Variants in MICALL1 observed in about 807,000 individuals in gnomAD.
MICALL1 encodes MICAL like 1, also known as MICAL-like protein 1.
Under a neutral mutation model 83.7 loss-of-function variants are expected in MICALL1, and 61 were observed. The observed-to-expected ratio is 0.73, with a 90% CI of 0.59 to 0.90. The LOEUF (loss-of-function observed/expected upper bound fraction) is 0.90, where lower values mean the gene tolerates loss of function less well. Ranked by LOEUF, MICALL1 falls within the 40% of genes least tolerant of loss-of-function variation. MICALL1 has a pLI of 0.00. For synonymous variants in MICALL1, 481 were observed against 473.6 expected (o/e 1.02, Z -0.20); for missense variants, 1,066 against 1,152.0 (o/e 0.93, Z 1.08).
chr22:37,916,100 G>A (rs1222199175), intron 3 of MICALL1, among the ~76,000 whole-genome samples: 1 of 152,158 alleles, frequency 6.6e-6, no homozygotes, highest in African/African-American at 2.4e-5. Flanking sequence ...GGGTGGGTGG[G>A]GTGTGGGCAG....
intron 2 of MICALL1, 123 bp from the exon 3 acceptor site, chr22:37,912,228 G>A (rs1231856602): frequency 7.0e-6 from 9 of 1,287,940 alleles, no homozygotes; most frequent in Middle Eastern, 2.7e-4. Context: ...TTAATACTGA[G>A]GGGAGCCCAC....
At chr22:37,929,817 T>C (rs1348828280) in intron 9 of MICALL1, among the ~76,000 whole-genome samples, 2 of 152,204 alleles carry the variant, frequency 1.3e-5, no homozygotes, top group Non-Finnish European at 2.9e-5. Context: ...TGGCCCCAGG[T>C]AGAGGGTGGC....
chr22:37,935,980 C>T (rs770602026), intron 13 of MICALL1, among the ~76,000 whole-genome samples: 35 of 152,156 alleles, frequency 2.3e-4, no homozygotes, highest in Non-Finnish European at 3.5e-4. Flanking sequence ...CCACCTGCCT[C>T]GGCCTCCCAA....
At position 37,926,063 on chromosome 22, in the gene MICALL1, C is replaced by T. The variant is rs946573687; in HGVS notation, c.1465+20C>T. 7.0e-6 allele frequency: 11 copies of T among 1,567,556 alleles called. No individual in the cohort carries two copies. The highest frequency in any genetic ancestry group is 2.2e-4 in the Middle Eastern group (1 of 4,634). ...CACTGGGTGAGTGCCTTTCCTGGAG[C>T]TCTCCTGACAGTCGGAACTCGGGGG... On this transcript the variant is annotated intron_variant, in intron 8 of 15. Coordinates refer to ENST00000215957, the MANE Select transcript of MICALL1 (RefSeq NM_033386.4).
chr22:37,922,357 C>G lies in MICALL1; in HGVS notation c.955C>G (p.Pro319Ala). ...GAGCACCACCCCAGCACCCCCCACG[C>G]CCCGGCCCCGCTCCAGTCTGCAGCA... ...SESTTPAPPTPRPRSSLQQEN... is the reference protein window; with the variant it reads ...SESTTPAPPTARPRSSLQQEN... The change falls in exon 6 of 16, where the codon CCC (proline) becomes GCC (alanine). Residue 319 changes from proline to alanine, a missense_variant. Physicochemically the swap from Pro to Ala is conservative, Grantham distance 27 (BLOSUM62 -1). Transcript: ENST00000215957. The G allele has an allele frequency of 6.5e-7, 1 of 1,532,036 alleles. No individual in the cohort carries two copies. Among genetic ancestry groups the G allele is most frequent in the Non-Finnish European group, 8.8e-7 (1 of 1,141,704 alleles). The allele number at this position is 1,532,036 out of a possible 1,614,324, so 94.9% of individuals were successfully genotyped here.
chr22:37,928,848 G>A (rs1349241969), intron 9 of MICALL1, among the ~76,000 whole-genome samples: 1 of 152,188 alleles, frequency 6.6e-6, no homozygotes, highest in African/African-American at 2.4e-5. Context: ...TCCTGGCTGG[G>A]CGTGGTGGCT....
In MICALL1 at chr22:37,932,088, T is replaced by C. The variant is rs1328510910; in HGVS notation, c.2016+155T>C. On this transcript the variant is annotated intron_variant, in intron 10 of 15. Transcript: ENST00000215957. This position sits in a 1 kb window ranked among gnomAD's most constrained non-coding sequence, Gnocchi z 4.4. Reference sequence around the variant, plus strand: ...CACTCTTGGCGGCCCAACTGGAAGGTCTAGCTTGCAGCCTGGAGGGATTTG... The same window carrying C: ...CACTCTTGGCGGCCCAACTGGAAGGCCTAGCTTGCAGCCTGGAGGGATTTG... Among the ~76,000 whole-genome samples the C allele has an allele frequency of 6.6e-6, 1 of 152,206 alleles. No homozygotes were observed. The highest frequency in any genetic ancestry group is 2.4e-5 in the African/African-American group (1 of 41,448).
At position 37,931,919 on chromosome 22, in the gene MICALL1, C is replaced by T. The variant is rs1929811345; in HGVS notation, c.2002C>T (p.Leu668Phe). The T allele has an allele frequency of 6.2e-7, 1 of 1,614,138 alleles. No individual in the cohort carries two copies. The highest frequency in any genetic ancestry group is 8.5e-7 in the Non-Finnish European group (1 of 1,180,016). Residue 668 changes from leucine (L) to phenylalanine (F), a missense_variant, in exon 10 of 16, where the codon CTC (leucine) becomes TTC (phenylalanine). Transcript: ENST00000215957. ...ACCTGCCCCTGGACACGGCTTTCCA[C>T]TCATCAAACGCAAGGTACCAGCTGG... is the stretch of plus-strand genomic sequence containing the variant. ...RPPAPGHGFP[L>F]IKRKVQADQY...
At position 37,925,863 on chromosome 22, in the gene MICALL1, G is replaced by C; in HGVS notation, c.1285G>C (p.Glu429Gln). ...GTCCAAACCCTATAACCCCTTTGAG[G>C]AGGAGGAGGAGGACAAGGAGGAAGA... ...LESKPYNPFE[E>Q]EEEDKEEEAP... The change falls in exon 8 of 16, where the codon GAG (glutamate) becomes CAG (glutamine). Residue 429 changes from glutamate (E) to glutamine (Q), a missense_variant. Physicochemically the swap from Glu to Gln is conservative, Grantham distance 29. Transcript: ENST00000215957. The C allele has an allele frequency of 1.2e-6, 2 of 1,613,770 alleles. No individual in the cohort carries two copies. The highest frequency in any genetic ancestry group is 1.7e-6 in the Non-Finnish European group (2 of 1,179,926).
At position 37,924,670 on chromosome 22, in the gene MICALL1, C is replaced by T. The variant is rs752549472; in HGVS notation, c.1035C>T (p.His345=). ...GSSSLVNGRL[H]ELPVPKPRGT... ...TCCTTTCCCATCTAGGGAGACTGCA[C>T]GAACTGCCTGTCCCCAAGCCGAGGG... Residue 345 remains histidine (H), a synonymous_variant, in exon 7 of 16, where the codon CAC becomes CAT. Transcript: ENST00000215957. The surrounding 1 kb of genome is among the most constrained non-coding windows in gnomAD (Gnocchi z 5.2). 1.8e-5 allele frequency: 29 copies of T among 1,611,998 alleles called. No homozygotes were observed. The highest frequency in any genetic ancestry group is 8.4e-5 in the Admixed American group (5 of 59,820).
At chr22:37,931,742 G>A (rs889755254) in intron 9 of MICALL1, 57 bp from the exon 10 acceptor site, 3 of 1,599,212 alleles carry the variant, frequency 1.9e-6, no homozygotes, top group Admixed American at 1.7e-5. Flanking sequence ...TGAGGCTGCT[G>A]GGGTCTCACG....
intron 4 of MICALL1, among the ~76,000 whole-genome samples, chr22:37,918,205 C>T (rs899197637): frequency 6.6e-6 from 1 of 152,222 alleles, no homozygotes; most frequent in Non-Finnish European, 1.5e-5. Flanking sequence ...TCCTTTAATC[C>T]TCTCAACAAC....
chr22:37,941,161 T>C lies in MICALL1; in HGVS notation c.*331T>C, dbSNP rs1930415987. On this transcript the variant is annotated 3_prime_UTR_variant, in exon 16 of 16. Transcript: ENST00000215957. Reference sequence around the variant, plus strand: ...TGCTGAGCACTTCCGCCCCTCACCCTGCCCAGCCCCTGCCATGAGCTCTGG... The same window carrying C: ...TGCTGAGCACTTCCGCCCCTCACCCCGCCCAGCCCCTGCCATGAGCTCTGG... 1 of 234,142 alleles carries C rather than the reference T, an allele frequency of 4.3e-6. No homozygotes were observed. The highest frequency in any genetic ancestry group is 2.2e-5 in the African/African-American group (1 of 45,236). 14.5% of individuals were successfully genotyped at this position (234,142 alleles called of 1,614,324 possible).
intron 15 of MICALL1, among the ~76,000 whole-genome samples, chr22:37,938,547 A>G (rs1331000674): frequency 6.8e-6 from 1 of 147,562 alleles, no homozygotes; most frequent in Admixed American, 6.9e-5. Context: ...TCTGCCTCCT[A>G]GGTTCAAGCA....
At chr22:37,915,710 A>G (rs1255815795) in intron 3 of MICALL1, among the ~76,000 whole-genome samples, 1 of 151,520 alleles carries the variant, frequency 6.6e-6, no homozygotes, top group Non-Finnish European at 1.5e-5. Context: ...CAGTGGCACA[A>G]CCTTGGCAGA....
intron 5 of MICALL1, among the ~76,000 whole-genome samples, chr22:37,919,757 A>G (rs1928910555): frequency 6.6e-6 from 1 of 151,578 alleles, no homozygotes; most frequent in Non-Finnish European, 1.5e-5. Context: ...GGAGGCCGAG[A>G]CAGGTGGATC....
At chr22:37,940,018 G>A (rs1930346435) in intron 15 of MICALL1, among the ~76,000 whole-genome samples, 1 of 151,954 alleles carries the variant, frequency 6.6e-6, no homozygotes, top group Non-Finnish European at 1.5e-5. Context: ...TGAACCAGGA[G>A]GCAGAGTTTG....
rs1929855753 is a variant in MICALL1 at position 37,932,645 on chromosome 22, G to A, written c.2109G>A (p.Val703=). The change falls in exon 11 of 16, where the codon GTG becomes GTA. Residue 703 remains valine (V), a synonymous_variant. Coordinates refer to ENST00000215957, the MANE Select transcript of MICALL1 (RefSeq NM_033386.4). The surrounding 1 kb of genome is among the most constrained non-coding windows in gnomAD (Gnocchi z 4.4). ...RRLDALEHRG[V]LLEEKLRGGL... ...TGGATGCCCTGGAGCACCGTGGGGT[G>A]CTGCTGGAGGAGAAGCTGCGTGGCG... The A allele has an allele frequency of 6.2e-7, 1 of 1,614,126 alleles. No individual in the cohort carries two copies. Among genetic ancestry groups the A allele is most frequent in the Non-Finnish European group, 8.5e-7 (1 of 1,180,006 alleles).
In MICALL1 at chr22:37,922,159, C is replaced by G; in HGVS notation, c.757C>G (p.Pro253Ala). The G allele has an allele frequency of 1.9e-6, 3 of 1,613,130 alleles. No individual in the cohort carries two copies. Among genetic ancestry groups the G allele is most frequent in the Non-Finnish European group, 1.7e-6 (2 of 1,179,978 alleles). ...ACTCGCAGAAGATGCCAAGGATGTTCCAGGAGGCGGCCCCAGCTCCAGTGC... is the reference window on the plus strand; with the variant it reads ...ACTCGCAGAAGATGCCAAGGATGTTGCAGGAGGCGGCCCCAGCTCCAGTGC... ...QQLAEDAKDVPGGGPSSSAPA... is the reference protein window; with the variant it reads ...QQLAEDAKDVAGGGPSSSAPA... The change falls in exon 6 of 16, where the codon CCA (proline) becomes GCA (alanine). Residue 253 changes from proline (P) to alanine (A), a missense_variant. By Grantham distance (27) the Pro-to-Ala change is conservative. Coordinates refer to ENST00000215957, the MANE Select transcript of MICALL1 (RefSeq NM_033386.4).
Sources: gnomAD v4.1 joint callset for allele counts (sites outside exome capture counted in the v4.1 genomes callset) on GRCh38, gnomAD v4.1.1 for gene constraint, Gnocchi (gnomAD v3.1) non-coding constraint, MANE v1.5 for transcripts, NCBI Gene and HGNC (gene_info 2026-07-23, HGNC 2026-07-21) for gene names.